The following DHX38 variants were observed in gnomAD, a reference collection of about 807,000 sequenced individuals.
DHX38 encodes the protein DEAH-box helicase 38.
A neutral mutation model predicts 153.1 loss-of-function variants in DHX38; 100 were observed. The ratio of observed to expected loss-of-function variants is 0.65; its 90% CI spans 0.56 to 0.77. The LOEUF (loss-of-function observed/expected upper bound fraction) is 0.77. Among genes scored for constraint, DHX38 ranks in the 30% least tolerant of loss-of-function variants. The pLI is 0.00. For missense variants in DHX38, 1,440 were observed against 1,654.0 expected, an observed-to-expected ratio of 0.87 and a Z score of 2.24; for synonymous variants, 650 against 631.7, an observed-to-expected ratio of 1.03 and a Z score of -0.43.
In DHX38 at chr16:72,101,528, G is replaced by A. The variant is rs1279240087; in HGVS notation, c.1415G>A (p.Gly472Glu). Residue 472 changes from glycine to glutamate, a missense_variant, in exon 11 of 27, where the codon GGG becomes GAG. Physicochemically the swap from Gly to Glu is moderately conservative, Grantham distance 98. Around this residue, in one of 6 missense-constraint regions of DHX38, gnomAD observed 241 missense variants for 229.5 expected, o/e 1.05. Coordinates refer to ENST00000268482, the MANE Select transcript of DHX38 (RefSeq NM_014003.4). ...KAQHKHWELA[G>E]TKLGDIMGVK... ...CAGCACAAACACTGGGAACTGGCGG[G>A]GACCAAACTGGGAGATATAATGGGC... The A allele has an allele frequency of 6.4e-7, 1 of 1,552,068 alleles. No individual in the cohort carries two copies.
At position 72,096,969 on chromosome 16, in the gene DHX38, G is replaced by GA; in HGVS notation, c.474dup (p.Ser159IlefsTer7). The GA allele has an allele frequency of 6.2e-7, 1 of 1,614,062 alleles. No individual in the cohort carries two copies. ...AAGAAGAAAAGGATTGGAAGAAGGA[G>GA]AAATCGCGGGATCGAGACTATGACC... is the stretch of plus-strand genomic sequence containing the variant. On this transcript the variant is annotated frameshift_variant, in exon 3 of 27. Coordinates refer to ENST00000268482, the MANE Select transcript of DHX38 (RefSeq NM_014003.4). LOFTEE classifies it high-confidence loss of function.
chr16:72,103,823 T>G (rs755758792), intron 13 of DHX38, 35 bp downstream of exon 13: 11 of 1,598,678 alleles, frequency 6.9e-6, no homozygotes, highest in Non-Finnish European at 8.6e-6. Flanking sequence ...ATGTAGTTAT[T>G]CCCTAGTAGC....
In DHX38 at chr16:72,107,821, C is replaced by T. The variant is rs143588927; in HGVS notation, c.2964+22C>T. The T allele has an allele frequency of 2.5e-3, 4,021 of 1,610,492 alleles. 102 individuals are homozygous for T. In the Admixed American group the frequency reaches 0.045, roughly 18 times the overall value. ...CAAGGTGGGGCAGCGGCTGGCTCCC[C>T]TCTCCCCGGAGGGCTCGAGGAAGTG... On this transcript the variant is annotated intron_variant, in intron 21 of 26. Coordinates refer to ENST00000268482, the MANE Select transcript of DHX38 (RefSeq NM_014003.4). The surrounding 1 kb of genome is among the most constrained non-coding windows in gnomAD (Gnocchi z 5.3).
intron 25 of DHX38, among the ~76,000 whole-genome samples, chr16:72,110,191 C>T (rs909151376): frequency 6.6e-6 from 1 of 152,178 alleles, no homozygotes; most frequent in African/African-American, 2.4e-5. Flanking sequence ...GGTCATTTGT[C>T]CTGTCGAATA....
chr16:72,100,970 G>A (rs2042091808), intron 9 of DHX38, 116 bp from the exon 10 acceptor site: 2 of 1,030,058 alleles, frequency 1.9e-6, no homozygotes, highest in South Asian at 1.4e-5. Context: ...GAAGAGAAGG[G>A]AGAAAATAGC....
chr16:72,099,716 G>A lies in DHX38; in HGVS notation c.961-16G>A. On this transcript the variant is annotated splice_polypyrimidine_tract_variant and intron_variant, in intron 7 of 26. Coordinates refer to ENST00000268482, the MANE Select transcript of DHX38 (RefSeq NM_014003.4). ...GATCTGTCCCTCACTCCCTTGCTTTGCCTCCTGCCCTGCAGCAAGCCGATC... is the reference window on the plus strand; with the variant it reads ...GATCTGTCCCTCACTCCCTTGCTTTACCTCCTGCCCTGCAGCAAGCCGATC... 1 of 1,613,690 alleles carries A rather than the reference G, an allele frequency of 6.2e-7. No individual in the cohort carries two copies. The highest frequency in any genetic ancestry group is 1.1e-5 in the South Asian group (1 of 90,996).
intron 10 of DHX38, 45 bp downstream of exon 10, chr16:72,101,238 T>G: frequency 1.2e-6 from 2 of 1,602,588 alleles, no homozygotes; most frequent in Admixed American, 3.4e-5. Context: ...GTGTATTTTT[T>G]TCTTTTTTCT....
Position 72,104,324 on chromosome 16 carries a change from TG to T in DHX38, c.2011-159del. 8.2e-7 allele frequency: 1 copy of T among 1,222,142 alleles called. No individual in the cohort carries two copies. The highest frequency in any genetic ancestry group is 1.1e-6 in the Non-Finnish European group (1 of 896,656). The allele number at this position is 1,222,142 out of a possible 1,614,324, so 75.7% of individuals were successfully genotyped here. On this transcript the variant is annotated intron_variant, in intron 14 of 26. Coordinates refer to ENST00000268482, the MANE Select transcript of DHX38 (RefSeq NM_014003.4). The surrounding 1 kb of genome is among the most constrained non-coding windows in gnomAD (Gnocchi z 4.5). ...CTGCTGAGGGTGGCTTGGGGTTTTCTGGGCAGTGGCTCCATTGCTTCAGTCT... is the reference window on the plus strand; with the variant it reads ...CTGCTGAGGGTGGCTTGGGGTTTTCTGGCAGTGGCTCCATTGCTTCAGTCT...
rs201129506 is a variant in DHX38 at position 72,103,782 on chromosome 16, C to T, written c.1818C>T (p.Gly606=). The T allele has an allele frequency of 2.4e-4, 387 of 1,609,348 alleles. No individual in the cohort carries two copies. In the East Asian group the frequency reaches 4.4e-3, roughly 18 times the overall value. Residue 606 remains glycine (G), a synonymous_variant, in exon 13 of 27, where the codon GGC becomes GGT. Transcript: ENST00000268482. Reference sequence around the variant, plus strand: ...GTGAAGAGATGGGGGGAAACCTTGGCGAGGAGGTGAGTGGGCGTGGGGGCT... The same window carrying T: ...GTGAAGAGATGGGGGGAAACCTTGGTGAGGAGGTGAGTGGGCGTGGGGGCT... ...RVSEEMGGNL[G]EEVGYAIRFE...
rs1382304169 is a variant in DHX38, at chr16:72,097,733, C to T, written c.568C>T (p.Arg190Cys). The part of the protein sequence containing the change: ...SRSERDGGSE[R>C]SSRRNEPESP... ...ATCAGAGCGAGATGGAGGGTCAGAG[C>T]GTAGCAGCAGAAGAAATGAACCCGA... The change falls in exon 4 of 27, where the codon CGT becomes TGT. Residue 190 changes from arginine (R) to cysteine (C), a missense_variant. Coordinates refer to ENST00000268482, the MANE Select transcript of DHX38 (RefSeq NM_014003.4). The T allele has an allele frequency of 3.1e-6, 5 of 1,613,942 alleles. No individual in the cohort carries two copies. The highest frequency in any genetic ancestry group is 2.2e-5 in the East Asian group (1 of 44,896).
chr16:72,097,524 G>T, intron 3 of DHX38, 153 bp from the exon 4 acceptor site: 1 of 628,378 alleles, frequency 1.6e-6, no homozygotes, highest in South Asian at 2.3e-5. Context: ...TTGGGAGAAT[G>T]GGGATAGGTG....
At chr16:72,096,614 G>A in intron 2 of DHX38, 134 bp downstream of exon 2, 2 of 1,476,172 alleles carry the variant, frequency 1.4e-6, no homozygotes, top group Non-Finnish European at 1.8e-6. Context: ...TAATACTGAA[G>A]GTAGGTAGGA....
intron 13 of DHX38, 61 bp from the exon 14 acceptor site, chr16:72,103,885 A>G (rs1032967986): frequency 1.7e-5 from 27 of 1,605,782 alleles, no homozygotes; most frequent in Non-Finnish European, 1.9e-5. Flanking sequence ...GGACCCCAGT[A>G]CGGGGTGTGC....
chr16:72,110,901 C>A, intron 25 of DHX38, 55 bp from the exon 26 acceptor site: 1 of 1,521,044 alleles, frequency 6.6e-7, no homozygotes, highest in Non-Finnish European at 8.9e-7. Flanking sequence ...GCCGACGAGG[C>A]CTCCTTCCTT....
chr16:72,102,087 T>C (rs529381683), intron 11 of DHX38, among the ~76,000 whole-genome samples: 2 of 152,334 alleles, frequency 1.3e-5, no homozygotes, highest in South Asian at 4.1e-4. Context: ...TCTCTGCTCA[T>C]AGAGGCATCT....
At position 72,107,245 on chromosome 16, in the gene DHX38, G is replaced by T; in HGVS notation, c.2601-95G>T. The T allele has an allele frequency of 1.5e-6, 2 of 1,321,472 alleles. No individual in the cohort carries two copies. Among genetic ancestry groups the T allele is most frequent in the Non-Finnish European group, 2.1e-6 (2 of 968,764 alleles). The allele number at this position is 1,321,472 out of a possible 1,614,324, so 81.9% of individuals were successfully genotyped here. On this transcript the variant is annotated intron_variant, in intron 19 of 26. Coordinates refer to ENST00000268482, the MANE Select transcript of DHX38 (RefSeq NM_014003.4). The surrounding 1 kb of genome is among the most constrained non-coding windows in gnomAD (Gnocchi z 5.3). ...TCACTGAAGTAGTGGGTGGGGAGAA[G>T]AAATGAGAATTTCCTCCCTCCCTGT... is the stretch of plus-strand genomic sequence containing the variant.
chr16:72,103,031 A>T, intron 11 of DHX38, 43 bp from the exon 12 acceptor site: 1 of 1,607,670 alleles, frequency 6.2e-7, no homozygotes, highest in East Asian at 2.2e-5. Context: ...GAAGGACAGC[A>T]TGGGGCACCA....
chr16:72,111,843 G>C (rs1482557316), intron 26 of DHX38, among the ~76,000 whole-genome samples: 2 of 152,192 alleles, frequency 1.3e-5, no homozygotes, highest in Non-Finnish European at 2.9e-5. Context: ...ATGTGGTAGA[G>C]CTCAGCCTCC....
chr16:72,103,748 A>C lies in DHX38; in HGVS notation c.1784A>C (p.Lys595Thr), dbSNP rs2042132672. ...CGTGTAGCTGCCATGTCAGTGGCCA[A>C]GAGAGTCAGTGAAGAGATGGGGGGA... is the stretch of plus-strand genomic sequence containing the variant. ...PRRVAAMSVA[K>T]RVSEEMGGNL... Residue 595 changes from lysine to threonine, a missense_variant, in exon 13 of 27, where the codon AAG (lysine) becomes ACG (threonine). Lys to Thr is a moderately conservative substitution (Grantham distance 78). Transcript: ENST00000268482. 6 of 1,613,950 alleles carry C rather than the reference A, an allele frequency of 3.7e-6. No homozygotes were observed. The highest frequency in any genetic ancestry group is 5.1e-6 in the Non-Finnish European group (6 of 1,179,776).
Sources: allele counts gnomAD v4.1 joint callset (sites outside exome capture counted in the v4.1 genomes callset), GRCh38; gene constraint gnomAD v4.1.1; regional missense constraint gnomAD v4.1.1; non-coding constraint Gnocchi (gnomAD v3.1); transcripts MANE v1.5; gene names NCBI Gene and HGNC (gene_info 2026-07-23, HGNC 2026-07-21).